DCC: variants seen among roughly 807,000 people sequenced by gnomAD.
DCC encodes the protein DCC netrin 1 receptor, also known as netrin receptor DCC.
In DCC, 58 loss-of-function variants were observed where a neutral mutation model predicts 172.5. The observed-to-expected ratio is 0.34, with a 90% CI of 0.27 to 0.42. The LOEUF (loss-of-function observed/expected upper bound fraction) is 0.42. Ranked by LOEUF, DCC falls within the 10% of genes least tolerant of loss-of-function variation. The pLI, the probability that DCC is intolerant of heterozygous loss-of-function variation, is 1.00. For synonymous variants in DCC, 709 were observed against 644.5 expected (o/e 1.10, Z -1.52); for missense variants, 1,740 against 1,791.0 (o/e 0.97, Z 0.51).
rs571456416 is a variant in DCC, at chr18:52,464,588, G to A, written c.91+123710G>A. On this transcript the variant is annotated intron_variant, in intron 1 of 28. Coordinates refer to ENST00000442544, the MANE Select transcript of DCC (RefSeq NM_005215.4). Reference sequence around the variant, plus strand: ...AATTATCTACTTTACACATTCAACAGGTGAAAATGCAGGTTCCCCAGCATC... The same window carrying A: ...AATTATCTACTTTACACATTCAACAAGTGAAAATGCAGGTTCCCCAGCATC... 8.5e-5 allele frequency among the ~76,000 whole-genome samples: 13 copies of A among 152,286 alleles called. 1 individual carries two copies. The highest frequency in any genetic ancestry group is 3.1e-4 in the African/African-American group (13 of 41,560).
chr18:53,385,867 A>C (rs1908126916), intron 15 of DCC, among the ~76,000 whole-genome samples, 176 bp from the exon 16 acceptor site: 2 of 152,224 alleles, frequency 1.3e-5, no homozygotes, highest in African/African-American at 4.8e-5. Flanking sequence ...GAGGAAGATC[A>C]AAAAACCCTA....
intron 2 of DCC, among the ~76,000 whole-genome samples, chr18:52,848,559 T>A (rs777778174): frequency 1.2e-4 from 18 of 152,196 alleles, no homozygotes; most frequent in Non-Finnish European, 2.2e-4. Flanking sequence ...TTTTATTTAC[T>A]TATATTTACT....
rs553234632 is a variant in DCC, at chr18:53,145,183, C to G, written c.1262-12173C>G. Among the ~76,000 whole-genome samples the G allele has an allele frequency of 3.1e-5, 4 of 129,260 alleles. No homozygotes were observed. The South Asian group carries it at 1.1e-3, about 35-fold the overall frequency. 84.8% of individuals were successfully genotyped at this position (129,260 alleles called of 152,430 possible). ...AGGCTGGAGTGCAGTGGCGCGATCT[C>G]GGCTCACTGCAAGCTCCGCCTCCCG... is the stretch of plus-strand genomic sequence containing the variant. On this transcript the variant is annotated intron_variant, in intron 7 of 28. Coordinates refer to ENST00000442544, the MANE Select transcript of DCC (RefSeq NM_005215.4).
chr18:52,528,869 C>A (rs1420593482), intron 1 of DCC, among the ~76,000 whole-genome samples: 1 of 152,058 alleles, frequency 6.6e-6, no homozygotes, highest in Non-Finnish European at 1.5e-5. Flanking sequence ...AGTTAGTCAC[C>A]AATATTCCAG....
chr18:53,034,101 T>C (rs1293296085), intron 5 of DCC, among the ~76,000 whole-genome samples: 1 of 152,058 alleles, frequency 6.6e-6, no homozygotes, highest in Non-Finnish European at 1.5e-5. Flanking sequence ...AGAGAGAAGA[T>C]GATATTCTTC....
At chr18:52,830,182 C>T (rs2038587685) in intron 2 of DCC, among the ~76,000 whole-genome samples, 1 of 152,198 alleles carries the variant, frequency 6.6e-6, no homozygotes, top group Non-Finnish European at 1.5e-5. Flanking sequence ...ATAAAGCAAG[C>T]TTGTCCAACT....
chr18:53,428,681 T>G (rs1911307909), intron 21 of DCC, among the ~76,000 whole-genome samples: 1 of 30,330 alleles, frequency 3.3e-5, no homozygotes, highest in African/African-American at 7.6e-5. Context: ...ATAATATATA[T>G]TTTTATATAT....
At chr18:53,255,572 C>T (rs1375889108) in intron 12 of DCC, among the ~76,000 whole-genome samples, 5 of 151,944 alleles carry the variant, frequency 3.3e-5, no homozygotes, top group Non-Finnish European at 5.9e-5. Flanking sequence ...ACATAGTATT[C>T]CATGGTGTAT....
At chr18:53,081,765 T>C (rs772428426) in intron 7 of DCC, among the ~76,000 whole-genome samples, 1 of 152,092 alleles carries the variant, frequency 6.6e-6, no homozygotes, top group Non-Finnish European at 1.5e-5. Flanking sequence ...TGATGGATGG[T>C]GACTGTTGTG....
rs1487916820 is a variant in DCC at position 53,328,642 on chromosome 18, C to G, written c.2164+6485C>G. On this transcript the variant is annotated intron_variant, in intron 14 of 28. Transcript: ENST00000442544. ...TTTCACCTCTCGGGTTCAAGTGATT[C>G]TCCTGCCTCAGCCTCCTGAGTAGCT... 5.9e-5 allele frequency among the ~76,000 whole-genome samples: 9 copies of G among 152,036 alleles called. No individual in the cohort carries two copies. In the East Asian group the frequency reaches 1.7e-3, roughly 29 times the overall value.
chr18:52,899,436 T>C (rs8086509), intron 2 of DCC, among the ~76,000 whole-genome samples: 133,599 of 148,384 alleles, frequency 0.9, 60,509 homozygotes, highest in Middle Eastern at 0.97. Flanking sequence ...TCACAGCAAC[T>C]TCCACCTCCT....
chr18:53,262,267 AT>A (rs747371023), intron 12 of DCC, among the ~76,000 whole-genome samples: 2 of 152,106 alleles, frequency 1.3e-5, no homozygotes, highest in African/African-American at 4.8e-5. Context: ...TATTATACCC[AT>A]TTTTCCTCGT....
At chr18:53,057,471 C>T (rs1185710538) in intron 5 of DCC, among the ~76,000 whole-genome samples, 3 of 152,038 alleles carry the variant, frequency 2.0e-5, no homozygotes, top group Admixed American at 6.6e-5. Flanking sequence ...GATTCCTTGT[C>T]TCAGCCCCCC....
intron 5 of DCC, among the ~76,000 whole-genome samples, chr18:53,035,831 C>T (rs1294340138): frequency 6.6e-6 from 1 of 151,940 alleles, no homozygotes; most frequent in Non-Finnish European, 1.5e-5. Context: ...AGTTTTTCTC[C>T]TTTAGAAACA....
intron 1 of DCC, among the ~76,000 whole-genome samples, chr18:52,750,437 T>TA (rs2036977226): frequency 6.6e-6 from 1 of 152,208 alleles, no homozygotes; most frequent in African/African-American, 2.4e-5. Context: ...ATCTGGGATC[T>TA]TTATCAATAT....
rs1555697190 is a variant in DCC, at chr18:53,022,529, TTA to T, written c.986-40766_986-40765del. ...CATACATATATATGTTCAGTATTTT[TTA>T]TATATATATGTGCGTGTGTGTGTGT... On this transcript the variant is annotated intron_variant, in intron 5 of 28. Coordinates refer to ENST00000442544, the MANE Select transcript of DCC (RefSeq NM_005215.4). 5.3e-4 allele frequency among the ~76,000 whole-genome samples: 69 copies of T among 130,626 alleles called. 1 individual carries two copies. Among genetic ancestry groups the T allele is most frequent in the Admixed American group, 2.1e-3 (25 of 12,024 alleles). The allele number at this position is 130,626 out of a possible 152,430, so 85.7% of individuals were successfully genotyped here. A position where few individuals can be genotyped will look rare whatever the true frequency, so the allele number is the denominator to read the frequency against.
chr18:52,533,997 A>C (rs2032221372), intron 1 of DCC, among the ~76,000 whole-genome samples: 1 of 152,002 alleles, frequency 6.6e-6, no homozygotes, highest in African/African-American at 2.4e-5. Context: ...CTAGCACAAC[A>C]TTTTCAAGGT....
At chr18:53,318,431 T>C (rs770866338) in intron 13 of DCC, among the ~76,000 whole-genome samples, 9 of 152,174 alleles carry the variant, frequency 5.9e-5, no homozygotes, top group Non-Finnish European at 1.3e-4. Context: ...ATAAGTGCGA[T>C]GTGGTGCTAA....
At chr18:53,352,324 G>T (rs2057821802) in intron 15 of DCC, among the ~76,000 whole-genome samples, 1 of 152,060 alleles carries the variant, frequency 6.6e-6, no homozygotes, top group Admixed American at 6.6e-5. Context: ...AGACAGAAAA[G>T]CAAATGCTGT....
Sources: allele counts gnomAD v4.1 joint callset (sites outside exome capture counted in the v4.1 genomes callset), GRCh38; gene constraint gnomAD v4.1.1; transcripts MANE v1.5; gene names NCBI Gene and HGNC (gene_info 2026-07-23, HGNC 2026-07-21).